SNX29: variants seen among roughly 807,000 people sequenced by gnomAD.
SNX29 encodes sorting nexin 29.
SNX29 carries 78 observed loss-of-function variants against 102.1 expected under a neutral mutation model. That is an observed-to-expected ratio of 0.76 (90% CI 0.64 to 0.92). The LOEUF is 0.92. Ranked by LOEUF, SNX29 falls within the 40% of genes least tolerant of loss-of-function variation. The pLI is 0.00. For synonymous variants in SNX29, 580 were observed against 414.5 expected, an observed-to-expected ratio of 1.40 and a Z score of -4.85; for missense variants, 1,280 against 1,061.7, an observed-to-expected ratio of 1.21 and a Z score of -2.86.
chr16:12,515,267 A>G (rs544704340), intron 19 of SNX29, among the ~76,000 whole-genome samples: 1 of 152,272 alleles, frequency 6.6e-6, no homozygotes, highest in South Asian at 2.1e-4. Flanking sequence ...TGTCTTTTCC[A>G]GCTGACTGTA....
At chr16:12,408,326 A>T (rs2084258504) in intron 18 of SNX29, among the ~76,000 whole-genome samples, 1 of 152,214 alleles carries the variant, frequency 6.6e-6, no homozygotes, top group Non-Finnish European at 1.5e-5. Context: ...GGACTTTTCC[A>T]TAGGACCTCT....
intron 18 of SNX29, among the ~76,000 whole-genome samples, chr16:12,448,709 C>T (rs1414317434): frequency 3.3e-5 from 5 of 152,104 alleles, no homozygotes; most frequent in Non-Finnish European, 7.4e-5. Flanking sequence ...AGTGGCTGCC[C>T]AGTGCTCAGA....
Position 12,564,179 on chromosome 16 carries a change from G to C in SNX29, c.2319-4327G>C, listed in dbSNP as rs531975601. Among the ~76,000 whole-genome samples the C allele has an allele frequency of 8.5e-4, 130 of 152,056 alleles. 1 individual carries two copies. The Middle Eastern group carries it at 0.017, about 20-fold the overall frequency. ...TGAGGTAGAGGATTGCTTGAGTTCA[G>C]GAGTTTGAGACCGTCCTGGGCACCA... On this transcript the variant is annotated intron_variant, in intron 20 of 20. Coordinates refer to ENST00000566228, the MANE Select transcript of SNX29 (RefSeq NM_032167.5).
intron 19 of SNX29, among the ~76,000 whole-genome samples, chr16:12,481,693 C>T (rs568224037): frequency 5.3e-5 from 8 of 152,230 alleles, no homozygotes; most frequent in African/African-American, 1.9e-4. Flanking sequence ...CACCACCACA[C>T]TCAGCTAATT....
rs1371291435 is a variant in SNX29, at chr16:12,568,488, C to A, written c.2319-18C>A. ...TTTCATCCCCAGACTTAACCCGATT[C>A]TCTCCCTGCTCTTTCAGCGACATCA... On this transcript the variant is annotated intron_variant, in intron 20 of 20. Coordinates refer to ENST00000566228, the MANE Select transcript of SNX29 (RefSeq NM_032167.5). 6.2e-7 allele frequency: 1 copy of A among 1,608,676 alleles called. No individual in the cohort carries two copies. The highest frequency in any genetic ancestry group is 8.5e-7 in the Non-Finnish European group (1 of 1,179,768).
At chr16:12,366,631 G>A (rs2082493173) in intron 16 of SNX29, among the ~76,000 whole-genome samples, 1 of 152,156 alleles carries the variant, frequency 6.6e-6, no homozygotes, top group African/African-American at 2.4e-5. Context: ...GAACAGCACT[G>A]CCTTTCCCAG....
At chr16:12,057,826 A>T (rs4780408) in intron 8 of SNX29, among the ~76,000 whole-genome samples, 105,709 of 146,494 alleles carry the variant, frequency 0.72, 38,371 homozygotes, top group African/African-American at 0.85. Context: ...TTATATATAT[A>T]TTTTTTTTTG....
intron 18 of SNX29, among the ~76,000 whole-genome samples, chr16:12,462,219 C>A (rs74808067): frequency 6.6e-6 from 1 of 151,480 alleles, no homozygotes; most frequent in Non-Finnish European, 1.5e-5. Flanking sequence ...GACCCTGCTT[C>A]CATGGTCAGC....
intron 19 of SNX29, among the ~76,000 whole-genome samples, chr16:12,510,131 C>A (rs1031553194): frequency 2.6e-5 from 4 of 152,208 alleles, no homozygotes; most frequent in Non-Finnish European, 5.9e-5. Context: ...GGTGACATCT[C>A]CTTTGATGTA....
At chr16:12,077,378 C>G (rs1455090265) in intron 10 of SNX29, among the ~76,000 whole-genome samples, 1 of 144,424 alleles carries the variant, frequency 6.9e-6, no homozygotes, top group African/African-American at 2.7e-5. Context: ...ACTTTTCCTC[C>G]TAGTCATGGT....
chr16:12,558,319 G>A (rs1002784614), intron 20 of SNX29, among the ~76,000 whole-genome samples: 3 of 151,682 alleles, frequency 2.0e-5, no homozygotes, highest in African/African-American at 7.3e-5. Context: ...CACCTCAAGT[G>A]GCTATCAACA....
chr16:12,562,175 G>T (rs1475130254), intron 20 of SNX29, among the ~76,000 whole-genome samples: 5 of 152,298 alleles, frequency 3.3e-5, no homozygotes, highest in African/African-American at 1.2e-4. Flanking sequence ...ATTGAGGTCT[G>T]ACCTGAGCAT....
intron 14 of SNX29, among the ~76,000 whole-genome samples, chr16:12,200,485 GTCT>G (rs2076885686): frequency 1.5e-5 from 1 of 64,650 alleles, no homozygotes; most frequent in Non-Finnish European, 4.6e-5. Context: ...ACATTCACGT[GTCT>G]TTTTTTTTTT....
intron 20 of SNX29, among the ~76,000 whole-genome samples, chr16:12,533,267 C>G (rs940539216): frequency 3.4e-4 from 52 of 152,374 alleles, no homozygotes; most frequent in African/African-American, 1.2e-3. Flanking sequence ...GAGTGCTTTG[C>G]AGAATCCGTA....
rs148029933 is a variant in SNX29 at position 12,562,003 on chromosome 16, C to T, written c.2319-6503C>T. On this transcript the variant is annotated intron_variant, in intron 20 of 20. Coordinates refer to ENST00000566228, the MANE Select transcript of SNX29 (RefSeq NM_032167.5). ...ACCAGCTTGGTGACAATGGACCCTG[C>T]AACCCAGGAGGCCTGGCCCCTCATG... Among the ~76,000 whole-genome samples the T allele has an allele frequency of 3.6e-3, 543 of 152,280 alleles. 2 individuals are homozygous for T. Among genetic ancestry groups the T allele is most frequent in the African/African-American group, 0.012 (514 of 41,556 alleles).
At chr16:12,451,872 T>TAAAC (rs1022638025) in intron 18 of SNX29, among the ~76,000 whole-genome samples, 1 of 152,116 alleles carries the variant, frequency 6.6e-6, no homozygotes, top group South Asian at 2.1e-4. Flanking sequence ...TAAAAATAAA[T>TAAAC]AAACAAACAG....
At chr16:12,476,421 T>TATATATGTATAC (rs2087638888) in intron 18 of SNX29, among the ~76,000 whole-genome samples, 4 of 51,968 alleles carry the variant, frequency 7.7e-5, no homozygotes, top group Non-Finnish European at 1.5e-4. Flanking sequence ...TACATATATA[T>TATATATGTATAC]ATATATATAT....
chr16:12,562,483 C>G (rs1053131293), intron 20 of SNX29, among the ~76,000 whole-genome samples: 3 of 152,158 alleles, frequency 2.0e-5, no homozygotes, highest in African/African-American at 7.2e-5. Context: ...AACTCGAGTC[C>G]TAGAAAGGAG....
chr16:12,556,215 C>G (rs561217193), intron 20 of SNX29: 4 of 152,230 alleles, frequency 2.6e-5, no homozygotes, highest in African/African-American at 9.6e-5. Context: ...CTAGGGTCTT[C>G]CAATTGTGAG....
Sources: allele counts gnomAD v4.1 joint callset (sites outside exome capture counted in the v4.1 genomes callset), GRCh38; gene constraint gnomAD v4.1.1; transcripts MANE v1.5; gene names NCBI Gene and HGNC (gene_info 2026-07-23, HGNC 2026-07-21).